Variants in PHC1 observed in about 807,000 individuals in gnomAD.
The protein encoded by PHC1 is polyhomeotic homolog 1, also known as polyhomeotic-like protein 1.
Under a neutral mutation model 104.3 loss-of-function variants are expected in PHC1, and 12 were observed. The observed-to-expected ratio is 0.12, with a 90% confidence interval of 0.07 to 0.19. The LOEUF is 0.19. Among genes scored for constraint, PHC1 ranks in the 10% least tolerant of loss-of-function variants. The pLI is 1.00. For missense variants in PHC1, 671 were observed against 1,200.0 expected (o/e 0.56, Z 6.51); for synonymous variants, 302 against 455.8 (o/e 0.66, Z 4.30).
chr12:8,935,428 C>T (rs781746551), intron 11 of PHC1, among the ~76,000 whole-genome samples, 190 bp downstream of exon 11: 12 of 152,246 alleles, frequency 7.9e-5, no homozygotes, highest in African/African-American at 2.9e-4. Flanking sequence ...GAGTTTGAGA[C>T]CAGTCTGGCC....
intron 13 of PHC1, 66 bp from the exon 14 acceptor site, chr12:8,937,763 T>TGGGAAGAAAGAGAG (rs1945880640): frequency 7.7e-7 from 1 of 1,297,644 alleles, no homozygotes; most frequent in Non-Finnish European, 1.1e-6. Flanking sequence ...CAGGGTGGTT[T>TGGGAAGAAAGAGAG]GGGAAGAAAG....
In PHC1 at chr12:8,933,050, C is replaced by T; in HGVS notation, c.1593C>T (p.Gly531=). 1.5e-6 allele frequency: 1 copy of T among 676,166 alleles called. No individual in the cohort carries two copies. The highest frequency in any genetic ancestry group is 2.5e-6 in the Non-Finnish European group (1 of 406,314). The allele number at this position is 676,166 out of a possible 1,614,324, so 41.9% of individuals were successfully genotyped here. A position where few individuals can be genotyped will look rare whatever the true frequency, so the allele number is the denominator to read the frequency against. Residue 531 remains glycine, a synonymous_variant, in exon 8 of 15, where the codon GGC becomes GGT. Coordinates refer to ENST00000544916, the MANE Select transcript of PHC1 (RefSeq NM_004426.3). ...CCCATATCCCTGTGCAAGTTGTAGG[C>T]ACTCGACAGCCAGGTACAGCCCAGG... ...PPPHIPVQVV[G]TRQPGTAQAQ...
At chr12:8,939,264 A>G (rs1228273542) in intron 14 of PHC1, 41 bp from the exon 15 acceptor site, 21 of 1,611,502 alleles carry the variant, frequency 1.3e-5, no homozygotes, top group Non-Finnish European at 1.7e-5. Context: ...CCCTTCTCCT[A>G]TCATCTGGCA....
intron 6 of PHC1, 63 bp downstream of exon 6, chr12:8,922,851 C>G: frequency 6.9e-7 from 1 of 1,445,834 alleles, no homozygotes; most frequent in East Asian, 2.3e-5. Flanking sequence ...TGACCACGGA[C>G]CTGGGTCCAC....
chr12:8,932,440 C>A (rs2137112192), intron 7 of PHC1, 123 bp from the exon 8 acceptor site: 1 of 1,000,822 alleles, frequency 1.0e-6, no homozygotes, highest in Non-Finnish European at 1.5e-6. Flanking sequence ...GACTAGATTT[C>A]TTTTCACCGC....
intron 11 of PHC1, among the ~76,000 whole-genome samples, chr12:8,935,707 G>T (rs781765881): frequency 6.6e-6 from 1 of 152,176 alleles, no homozygotes; most frequent in African/African-American, 2.4e-5. Flanking sequence ...TCACGGAAAA[G>T]GAATTACATA....
rs199983763 is a variant in PHC1 at position 8,936,911 on chromosome 12, C to A, written c.2424C>A (p.Pro808=). ...GCGAGTACTGTGGGAAGTACGCCCC[C>A]GCAGAGCAGTTTCGTGGCTCTAAGA... ...LKCEYCGKYA[P]AEQFRGSKRF... Residue 808 remains proline (P), a synonymous_variant, in exon 12 of 15, where the codon CCC becomes CCA. Coordinates refer to ENST00000544916, the MANE Select transcript of PHC1 (RefSeq NM_004426.3). The A allele has an allele frequency of 3.1e-6, 5 of 1,613,392 alleles. No homozygotes were observed. In the Admixed American group the frequency reaches 5.0e-5, roughly 16 times the overall value.
intron 13 of PHC1, 141 bp from the exon 14 acceptor site, chr12:8,937,688 A>C: frequency 1.5e-6 from 1 of 649,766 alleles, no homozygotes; most frequent in Non-Finnish European, 2.7e-6. Context: ...AGATTTTGGG[A>C]ATTTGCAAAT....
chr12:8,939,923 C>G lies in PHC1; in HGVS notation c.*464C>G, dbSNP rs772600318. The G allele has an allele frequency of 6.8e-5, 31 of 456,664 alleles. No individual in the cohort carries two copies. Among genetic ancestry groups the G allele is most frequent in the Non-Finnish European group, 9.7e-5 (22 of 227,174 alleles). 28.3% of individuals were successfully genotyped at this position (456,664 alleles called of 1,614,324 possible). A position where few individuals can be genotyped will look rare whatever the true frequency, so the allele number is the denominator to read the frequency against. Reference sequence around the variant, plus strand: ...AGAAGTAGCAAAATCTGGTCCTCCCCCCTCCCAGTGTAGCTGTGGCTCAGA... The same window carrying G: ...AGAAGTAGCAAAATCTGGTCCTCCCGCCTCCCAGTGTAGCTGTGGCTCAGA... On this transcript the variant is annotated 3_prime_UTR_variant, in exon 15 of 15. Transcript: ENST00000544916.
In PHC1 at chr12:8,930,873, A is replaced by G. The variant is rs1945663613; in HGVS notation, c.1051A>G (p.Met351Val). 1 of 1,567,382 alleles carries G rather than the reference A, an allele frequency of 6.4e-7. No homozygotes were observed. ...ADGSGQQNVGMNLTRTATPAP... is the reference protein window; with the variant it reads ...ADGSGQQNVGVNLTRTATPAP... ...TGGGAGTGGCCAGCAGAATGTGGGC[A>G]TGAACCTGACACGGACAGCCACACC... The change falls in exon 7 of 15, where the codon ATG becomes GTG. Residue 351 changes from methionine to valine, a missense_variant. Met to Val is a conservative substitution (Grantham distance 21, BLOSUM62 1). Transcript: ENST00000544916.
chr12:8,933,805 T>C, intron 8 of PHC1, 60 bp from the exon 9 acceptor site: 1 of 1,407,254 alleles, frequency 7.1e-7, no homozygotes, highest in East Asian at 2.3e-5. Flanking sequence ...GTAATAATTG[T>C]GGTTCCTTAT....
At chr12:8,915,569 C>G (rs767302142) in intron 1 of PHC1, among the ~76,000 whole-genome samples, 8 of 152,264 alleles carry the variant, frequency 5.3e-5, no homozygotes, top group African/African-American at 1.7e-4. Flanking sequence ...TGCCCACATG[C>G]TACCTTTTAA....
chr12:8,938,184 C>T, intron 14 of PHC1, 124 bp downstream of exon 14: 1 of 642,982 alleles, frequency 1.6e-6, no homozygotes, highest in East Asian at 2.7e-5. Context: ...TATAGAGGCT[C>T]TACTCCTAAT....
chr12:8,932,552 T>C lies in PHC1; in HGVS notation c.1106-11T>C, dbSNP rs1436817724. 4 of 1,611,616 alleles carry C rather than the reference T, an allele frequency of 2.5e-6. No individual in the cohort carries two copies. The highest frequency in any genetic ancestry group is 3.4e-6 in the Non-Finnish European group (4 of 1,177,856). ...TTTTCTCTCTGTTGTATTCTGGGAT[T>C]GTTCCTATAGCCACCTACACACAGA... On this transcript the variant is annotated splice_polypyrimidine_tract_variant and intron_variant, in intron 7 of 14. Coordinates refer to ENST00000544916, the MANE Select transcript of PHC1 (RefSeq NM_004426.3).
intron 3 of PHC1, among the ~76,000 whole-genome samples, chr12:8,920,198 CA>C (rs915223994): frequency 7.9e-5 from 12 of 151,252 alleles, no homozygotes; most frequent in African/African-American, 2.9e-4. Flanking sequence ...CTACTTAGTA[CA>C]AAAAAAGGTA....
rs1805768 is a variant in PHC1 at position 8,937,702 on chromosome 12, G to A, written c.2629-127G>A. 3,318 of 680,206 alleles carry A rather than the reference G, an allele frequency of 4.9e-3. 87 individuals are homozygous for A. In the African/African-American group the frequency reaches 0.052, roughly 11 times the overall value. The allele number at this position is 680,206 out of a possible 1,614,324, so 42.1% of individuals were successfully genotyped here. ...TAGATTTTGGGAATTTGCAAATAAA[G>A]TGCTGCTTATTTCACATATGATAAG... On this transcript the variant is annotated intron_variant, in intron 13 of 14. Transcript: ENST00000544916.
rs1002929851 is a variant in PHC1, at chr12:8,939,836, C to G, written c.*377C>G. ...ATACATAGTATGGTAAGGCAAGGAA[C>G]TGGGTGGAATGTCAGGTTGCCTGCC... On this transcript the variant is annotated 3_prime_UTR_variant, in exon 15 of 15. Transcript: ENST00000544916. 1.1e-5 allele frequency: 5 copies of G among 462,290 alleles called. No individual in the cohort carries two copies. Among genetic ancestry groups the G allele is most frequent in the Non-Finnish European group, 8.7e-6 (2 of 230,742 alleles). 28.6% of individuals were successfully genotyped at this position (462,290 alleles called of 1,614,324 possible). A position where few individuals can be genotyped will look rare whatever the true frequency, so the allele number is the denominator to read the frequency against.
chr12:8,936,020 T>C (rs1010520821), intron 11 of PHC1, among the ~76,000 whole-genome samples: 5 of 152,144 alleles, frequency 3.3e-5, no homozygotes, highest in African/African-American at 1.2e-4. Context: ...CGCCTTGGCC[T>C]CCCAAAGTGC....
At position 8,933,380 on chromosome 12, in the gene PHC1, C is replaced by T. The variant is rs1223984156; in HGVS notation, c.1893+30C>T. ...GTGATGTCTGATGGTTTTGAGGGCACTATTATGCATGAGAGTGGACCTGGG... is the reference window on the plus strand; with the variant it reads ...GTGATGTCTGATGGTTTTGAGGGCATTATTATGCATGAGAGTGGACCTGGG... On this transcript the variant is annotated intron_variant, in intron 8 of 14. Transcript: ENST00000544916. 6 of 1,522,522 alleles carry T rather than the reference C, an allele frequency of 3.9e-6. No homozygotes were observed. The African/African-American group carries it at 5.5e-5, about 14-fold the overall frequency. The allele number at this position is 1,522,522 out of a possible 1,614,324, so 94.3% of individuals were successfully genotyped here. A position where few individuals can be genotyped will look rare whatever the true frequency, so the allele number is the denominator to read the frequency against.
Sources: allele counts gnomAD v4.1 joint callset (sites outside exome capture counted in the v4.1 genomes callset), GRCh38; gene constraint gnomAD v4.1.1; transcripts MANE v1.5; gene names NCBI Gene and HGNC (gene_info 2026-07-23, HGNC 2026-07-21).